Variants in PPARGC1A observed in about 807,000 individuals in gnomAD.
The protein encoded by PPARGC1A is PPARG coactivator 1 alpha.
Under a neutral mutation model 88.7 loss-of-function variants are expected in PPARGC1A, and 25 were observed. The observed-to-expected ratio is 0.28, with a 90% CI of 0.21 to 0.39. The LOEUF (loss-of-function observed/expected upper bound fraction) is 0.39. Ranked by LOEUF, PPARGC1A falls within the 10% of genes least tolerant of loss-of-function variation. The pLI is 1.00. For synonymous variants in PPARGC1A, 363 were observed against 355.6 expected (o/e 1.02, Z -0.24); for missense variants, 880 against 968.7 (o/e 0.91, Z 1.22).
the PPARGC1A span, among the ~76,000 whole-genome samples, chr4:24,144,764 C>T: frequency 6.6e-6 from 1 of 151,896 alleles, no homozygotes; most frequent in Non-Finnish European, 1.5e-5. Context: ...GAGGTTAGAA[C>T]TCAGTGAGCA....
chr4:24,189,606 T>C, the PPARGC1A span, among the ~76,000 whole-genome samples: 3 of 152,168 alleles, frequency 2.0e-5, no homozygotes, highest in African/African-American at 7.2e-5. Flanking sequence ...TCCCCATTTT[T>C]TCACTTACAT....
the PPARGC1A span, among the ~76,000 whole-genome samples, chr4:23,941,440 C>T: frequency 5.9e-5 from 9 of 152,090 alleles, no homozygotes; most frequent in Middle Eastern, 3.4e-3. Context: ...ATTTACAGAA[C>T]GGGGTGTGAT....
chr4:24,082,633 A>C, the PPARGC1A span, among the ~76,000 whole-genome samples: 302 of 152,248 alleles, frequency 2.0e-3, 2 homozygotes, highest in African/African-American at 6.9e-3. Flanking sequence ...TTTTTTCAAA[A>C]GGAAAACTTG....
chr4:24,337,082 G>A, the PPARGC1A span, among the ~76,000 whole-genome samples: 13 of 152,076 alleles, frequency 8.5e-5, no homozygotes, highest in Non-Finnish European at 1.3e-4. Flanking sequence ...CAAAAAGTTC[G>A]TGCTCTCTCC....
the PPARGC1A span, among the ~76,000 whole-genome samples, chr4:24,263,317 G>A: frequency 1.3e-5 from 2 of 152,176 alleles, no homozygotes; most frequent in Non-Finnish European, 1.5e-5. Flanking sequence ...AGATGCGAGA[G>A]TGCATGGACA....
At chr4:24,003,297 A>C in the PPARGC1A span, among the ~76,000 whole-genome samples, 1 of 152,176 alleles carries the variant, frequency 6.6e-6, no homozygotes, top group East Asian at 1.9e-4. Context: ...CAGAACTGAA[A>C]GGGAAAATAC....
the PPARGC1A span, among the ~76,000 whole-genome samples, chr4:24,247,883 GTCT>G: frequency 1.3e-5 from 2 of 152,096 alleles, no homozygotes; most frequent in African/African-American, 2.4e-5. Context: ...GGAAGAACTG[GTCT>G]TCTGTTTCTG....
chr4:23,980,981 C>G, the PPARGC1A span, among the ~76,000 whole-genome samples: 1 of 152,076 alleles, frequency 6.6e-6, no homozygotes, highest in South Asian at 2.1e-4. Flanking sequence ...ATGGCCCCAC[C>G]TCCTCCATAA....
At chr4:24,436,445 A>G in the PPARGC1A span, among the ~76,000 whole-genome samples, 1 of 150,942 alleles carries the variant, frequency 6.6e-6, no homozygotes, top group East Asian at 1.9e-4. Flanking sequence ...CAGAGCTGAC[A>G]TCGATTGGCC....
chr4:23,855,616 A>G (rs772585418), intron 2 of PPARGC1A, among the ~76,000 whole-genome samples: 10 of 152,212 alleles, frequency 6.6e-5, no homozygotes, highest in Non-Finnish European at 1.3e-4. Flanking sequence ...AGCACCGACT[A>G]TATTTCAGAC....
chr4:24,121,681 A>C, the PPARGC1A span, among the ~76,000 whole-genome samples: 3 of 152,154 alleles, frequency 2.0e-5, no homozygotes, highest in Admixed American at 6.5e-5. Flanking sequence ...TTTAAATAGC[A>C]TCTCCTCTCT....
At chr4:23,902,123 T>C, upstream of PPARGC1A, among the ~76,000 whole-genome samples, 1 of 152,264 alleles carries the variant, frequency 6.6e-6, no homozygotes, top group Non-Finnish European at 1.5e-5. Flanking sequence ...TATATGTTAA[T>C]ATAATATTTT....
chr4:24,040,234 A>C, the PPARGC1A span, among the ~76,000 whole-genome samples: 1 of 152,166 alleles, frequency 6.6e-6, no homozygotes, highest in South Asian at 2.1e-4. Context: ...CCAGCCACAT[A>C]CACACATCTT....
At chr4:23,993,101 CA>C in the PPARGC1A span, among the ~76,000 whole-genome samples, 8 of 150,916 alleles carry the variant, frequency 5.3e-5, no homozygotes, top group Non-Finnish European at 7.4e-5. Flanking sequence ...GTAAAGCAAA[CA>C]AAAAAAAGGG....
At chr4:23,930,027 T>C in the PPARGC1A span, among the ~76,000 whole-genome samples, 13 of 152,288 alleles carry the variant, frequency 8.5e-5, no homozygotes, top group Admixed American at 2.6e-4. Context: ...ACTCTGTTTT[T>C]TGTCACCCCA....
the PPARGC1A span, among the ~76,000 whole-genome samples, chr4:24,074,475 A>C: frequency 6.6e-6 from 1 of 152,098 alleles, no homozygotes; most frequent in South Asian, 2.1e-4. Flanking sequence ...GCTTTATTGA[A>C]GTATATAATG....
At chr4:24,056,084 T>C in the PPARGC1A span, among the ~76,000 whole-genome samples, 1 of 152,218 alleles carries the variant, frequency 6.6e-6, no homozygotes. Flanking sequence ...GAGTTTCAAA[T>C]AGGCGAACAA....
the PPARGC1A span, among the ~76,000 whole-genome samples, chr4:24,220,584 T>G: frequency 6.6e-6 from 1 of 152,262 alleles, no homozygotes; most frequent in Non-Finnish European, 1.5e-5. Flanking sequence ...AACATGGATA[T>G]AGCTGGGGGC....
the PPARGC1A span, among the ~76,000 whole-genome samples, chr4:24,177,058 G>T: frequency 6.6e-6 from 1 of 152,094 alleles, no homozygotes; most frequent in South Asian, 2.1e-4. Flanking sequence ...AGTCAGTGTG[G>T]TGATTCCTCA....
Sources: allele counts gnomAD v4.1 joint callset (sites outside exome capture counted in the v4.1 genomes callset), GRCh38; gene constraint gnomAD v4.1.1; transcripts MANE v1.5; gene names NCBI Gene and HGNC (gene_info 2026-07-23, HGNC 2026-07-21).